RBAK: variants seen among roughly 807,000 people sequenced by gnomAD.
RBAK encodes RB associated KRAB zinc finger.
In RBAK, 39 loss-of-function variants were observed where a neutral mutation model predicts 65.8. The observed-to-expected ratio is 0.59, with a 90% CI of 0.46 to 0.77. The LOEUF (loss-of-function observed/expected upper bound fraction) is 0.77. Ranked by LOEUF, RBAK falls within the 30% of genes least tolerant of loss-of-function variation. RBAK has a pLI of 0.00. For synonymous variants in RBAK, 343 were observed against 289.7 expected (o/e 1.18, Z -1.87); for missense variants, 884 against 855.1 (o/e 1.03, Z -0.42).
rs193125755 is a variant in RBAK at position 5,057,098 on chromosome 7, A to T, written c.16-197A>T. On this transcript the variant is annotated intron_variant, in intron 2 of 4. Coordinates refer to ENST00000396912, the MANE Select transcript of RBAK (RefSeq NM_021163.4). ...TTTTTTATATATATTATATATATTT[A>T]TATATATTATATATTTTATATATTA... is the stretch of plus-strand genomic sequence containing the variant. 3.9e-3 allele frequency: 779 copies of T among 199,974 alleles called. 3 individuals are homozygous for T. The highest frequency in any genetic ancestry group is 0.017 in the African/African-American group (724 of 41,590). The allele number at this position is 199,974 out of a possible 1,614,324, so 12.4% of individuals were successfully genotyped here. A position where few individuals can be genotyped will look rare whatever the true frequency, so the allele number is the denominator to read the frequency against.
intron 1 of RBAK, 103 bp from the exon 2 acceptor site, chr7:5,047,930 G>C (rs1047360942): frequency 1.7e-6 from 1 of 587,136 alleles, no homozygotes; most frequent in Non-Finnish European, 3.0e-6. Context: ...TGTTCACAGG[G>C]TGTTAGCCTA....
At position 5,048,715 on chromosome 7, in the gene RBAK, T is replaced by G. The variant is rs538918973; in HGVS notation, c.15+624T>G. On this transcript the variant is annotated intron_variant, in intron 2 of 4. Coordinates refer to ENST00000396912, the MANE Select transcript of RBAK (RefSeq NM_021163.4). This position sits in a 1 kb window ranked among gnomAD's most constrained non-coding sequence, Gnocchi z 4.4. ...AGAGAAATAACCAAGACTGGGTCAT[T>G]TATAAAGAAAAGAGGTTTAATTGGC... is the stretch of plus-strand genomic sequence containing the variant. Among the ~76,000 whole-genome samples the G allele has an allele frequency of 6.0e-4, 91 of 151,400 alleles. 1 individual carries two copies. The highest frequency in any genetic ancestry group is 1.5e-3 in the African/African-American group (61 of 41,400).
chr7:5,046,305 A>C lies in RBAK; in HGVS notation c.-136A>C, dbSNP rs1360877660. Reference sequence around the variant, plus strand: ...GAACAACCTTAGTGAGGTGGACAGGAGGGGACCTCGCGAGCAGACGCGCGC... The same window carrying C: ...GAACAACCTTAGTGAGGTGGACAGGCGGGGACCTCGCGAGCAGACGCGCGC... On this transcript the variant is annotated 5_prime_UTR_variant, in exon 1 of 5. Coordinates refer to ENST00000396912, the MANE Select transcript of RBAK (RefSeq NM_021163.4). 3.9e-6 allele frequency: 2 copies of C among 516,218 alleles called. No homozygotes were observed. The highest frequency in any genetic ancestry group is 7.7e-6 in the Non-Finnish European group (2 of 259,514). 32.0% of individuals were successfully genotyped at this position (516,218 alleles called of 1,614,324 possible). A position where few individuals can be genotyped will look rare whatever the true frequency, so the allele number is the denominator to read the frequency against.
At chr7:5,050,802 G>C (rs113719722) in intron 2 of RBAK, among the ~76,000 whole-genome samples, 426 of 152,150 alleles carry the variant, frequency 2.8e-3, no homozygotes, top group Middle Eastern at 0.01. Flanking sequence ...TTGAACTCCT[G>C]GGCTCAAGTG....
At position 5,066,681 on chromosome 7, in the gene RBAK, C is replaced by G. The variant is rs1236299268; in HGVS notation, c.*1080C>G. 2 of 152,104 alleles carry G rather than the reference C, an allele frequency of 1.3e-5. No homozygotes were observed. Among genetic ancestry groups the G allele is most frequent in the African/African-American group, 4.8e-5 (2 of 41,432 alleles). 9.4% of individuals were successfully genotyped at this position (152,104 alleles called of 1,614,324 possible). A position where few individuals can be genotyped will look rare whatever the true frequency, so the allele number is the denominator to read the frequency against. On this transcript the variant is annotated 3_prime_UTR_variant, in exon 5 of 5. Coordinates refer to ENST00000396912, the MANE Select transcript of RBAK (RefSeq NM_021163.4). ...AAGTTTCTAGCAGATATTTTTTGATCAATTAACTTAATGTCCTCGCTCCAT... is the reference window on the plus strand; with the variant it reads ...AAGTTTCTAGCAGATATTTTTTGATGAATTAACTTAATGTCCTCGCTCCAT...
chr7:5,048,733 T>G lies in RBAK; in HGVS notation c.15+642T>G, dbSNP rs1415529638. Reference sequence around the variant, plus strand: ...GGGTCATTTATAAAGAAAAGAGGTTTAATTGGCTCACGCCTGCAGGCTCTA... The same window carrying G: ...GGGTCATTTATAAAGAAAAGAGGTTGAATTGGCTCACGCCTGCAGGCTCTA... On this transcript the variant is annotated intron_variant, in intron 2 of 4. Coordinates refer to ENST00000396912, the MANE Select transcript of RBAK (RefSeq NM_021163.4). This position sits in a 1 kb window ranked among gnomAD's most constrained non-coding sequence, Gnocchi z 4.4. 6.6e-6 allele frequency among the ~76,000 whole-genome samples: 1 copy of G among 152,164 alleles called. No individual in the cohort carries two copies. Among genetic ancestry groups the G allele is most frequent in the Admixed American group, 6.5e-5 (1 of 15,278 alleles).
rs145405280 is a variant in RBAK at position 5,062,974 on chromosome 7, C to T, written c.239-721C>T. On this transcript the variant is annotated intron_variant, in intron 4 of 4. Coordinates refer to ENST00000396912, the MANE Select transcript of RBAK (RefSeq NM_021163.4). Reference sequence around the variant, plus strand: ...CCAGATTTCATATTGTTCAAACACACGTGCTCTACAATTTGTGCAGTTAAC... The same window carrying T: ...CCAGATTTCATATTGTTCAAACACATGTGCTCTACAATTTGTGCAGTTAAC... 6.3e-3 allele frequency among the ~76,000 whole-genome samples: 966 copies of T among 152,264 alleles called. 10 individuals are homozygous for T. Among genetic ancestry groups the T allele is most frequent in the African/African-American group, 0.022 (916 of 41,538 alleles).
chr7:5,064,678 A>T lies in RBAK; in HGVS notation c.1222A>T (p.Lys408Ter). 1 of 1,612,212 alleles carries T rather than the reference A, an allele frequency of 6.2e-7. No homozygotes were observed. Among genetic ancestry groups the T allele is most frequent in the South Asian group, 1.1e-5 (1 of 90,944 alleles). ...GCTTTATAAATGTAATGAATGTGGG[A>T]AATCCTACTACCGAAAGTCTACTCT... ...EKLYKCNECG[K>*]SYYRKSTLIT... Residue 408 changes from lysine (K) to a stop codon, truncating the protein, a stop_gained, in exon 5 of 5, where the codon AAA becomes TAA. Coordinates refer to ENST00000396912, the MANE Select transcript of RBAK (RefSeq NM_021163.4). LOFTEE classifies it high-confidence loss of function. This position sits in a 1 kb window ranked among gnomAD's most constrained non-coding sequence, Gnocchi z 6.3.
chr7:5,046,821 C>A (rs1302162210), intron 1 of RBAK, among the ~76,000 whole-genome samples: 1 of 152,120 alleles, frequency 6.6e-6, no homozygotes, highest in African/African-American at 2.4e-5. Flanking sequence ...GCCTCAGTTG[C>A]TAGGGGAAGA....
In RBAK at chr7:5,057,796, T is replaced by C. The variant is rs773005828; in HGVS notation, c.238+17T>C. On this transcript the variant is annotated intron_variant, in intron 4 of 4. Transcript: ENST00000396912. ...ATAGTCCAGGTAAGTTAGTAGCGTA[T>C]CAAAGGTTAAAAAATGCTCATCCCA... is the stretch of plus-strand genomic sequence containing the variant. 6.2e-7 allele frequency: 1 copy of C among 1,613,612 alleles called. No homozygotes were observed. Among genetic ancestry groups the C allele is most frequent in the Non-Finnish European group, 8.5e-7 (1 of 1,179,720 alleles).
chr7:5,050,043 C>T (rs926721763), intron 2 of RBAK, among the ~76,000 whole-genome samples: 1 of 152,168 alleles, frequency 6.6e-6, no homozygotes, highest in African/African-American at 2.4e-5. Context: ...CACTGTATTG[C>T]TCAGACTGGT....
intron 1 of RBAK, among the ~76,000 whole-genome samples, chr7:5,047,179 C>T (rs1000367107): frequency 3.3e-5 from 5 of 152,168 alleles, no homozygotes; most frequent in Non-Finnish European, 7.3e-5. Flanking sequence ...GCAAGAGTAT[C>T]CCTTGAGACC....
intron 4 of RBAK, among the ~76,000 whole-genome samples, chr7:5,061,909 A>C (rs1300207282): frequency 2.6e-5 from 4 of 151,768 alleles, no homozygotes; most frequent in South Asian, 2.1e-4. Flanking sequence ...AAAAAAAAAA[A>C]CAGATACCTT....
At chr7:5,047,602 T>C (rs1562531799) in intron 1 of RBAK, among the ~76,000 whole-genome samples, 1 of 85,124 alleles carries the variant, frequency 1.2e-5, no homozygotes, top group Non-Finnish European at 2.2e-5. Flanking sequence ...TTTCACTCTC[T>C]TTTTTTTTTT....
intron 2 of RBAK, among the ~76,000 whole-genome samples, chr7:5,051,986 A>G (rs938676371): frequency 2.0e-5 from 3 of 152,098 alleles, no homozygotes; most frequent in Non-Finnish European, 4.4e-5. Context: ...GGGAGAGGGG[A>G]TTGAAATCTG....
intron 2 of RBAK, among the ~76,000 whole-genome samples, chr7:5,049,936 C>T (rs1193507349): frequency 6.6e-6 from 1 of 152,094 alleles, no homozygotes; most frequent in African/African-American, 2.4e-5. Context: ...CCAGGCTGGT[C>T]TTGAACTCCT....
chr7:5,047,826 G>A (rs114295741), intron 1 of RBAK, among the ~76,000 whole-genome samples: 5,896 of 151,734 alleles, frequency 0.039, 408 homozygotes, highest in African/African-American at 0.14. Context: ...CAAGGAAGGC[G>A]GATCACTTGA....
intron 4 of RBAK, among the ~76,000 whole-genome samples, chr7:5,062,032 T>C (rs1430102342): frequency 6.6e-6 from 1 of 152,196 alleles, no homozygotes; most frequent in Non-Finnish European, 1.5e-5. Context: ...TCAGAATGCT[T>C]ATTTGCATTT....
chr7:5,057,277 A>G lies in RBAK; in HGVS notation c.16-18A>G, dbSNP rs748063750. 6.2e-7 allele frequency: 1 copy of G among 1,613,924 alleles called. No homozygotes were observed. Among genetic ancestry groups the G allele is most frequent in the East Asian group, 2.2e-5 (1 of 44,860 alleles). ...CCCTTTTCCGTATCTCCCAATTCTG[A>G]TCATGTTGCCATTACAGGGGCCAGT... On this transcript the variant is annotated intron_variant, in intron 2 of 4. Coordinates refer to ENST00000396912, the MANE Select transcript of RBAK (RefSeq NM_021163.4).
Sources: allele counts gnomAD v4.1 joint callset (sites outside exome capture counted in the v4.1 genomes callset), GRCh38; gene constraint gnomAD v4.1.1; non-coding constraint Gnocchi (gnomAD v3.1); transcripts MANE v1.5; gene names NCBI Gene and HGNC (gene_info 2026-07-23, HGNC 2026-07-21).